NDNF: variants seen among roughly 807,000 people sequenced by gnomAD.
The protein encoded by NDNF is neuron derived neurotrophic factor, also known as protein NDNF.
A neutral mutation model predicts 42.0 loss-of-function variants in NDNF; 16 were observed. The ratio of observed to expected loss-of-function variants is 0.38; its 90% CI spans 0.26 to 0.58. NDNF has a LOEUF of 0.58. NDNF is among the 20% of genes least tolerant of loss of function. The pLI is 0.67. For missense variants in NDNF, 616 were observed against 666.2 expected (o/e 0.92, Z 0.83); for synonymous variants, 248 against 251.7 (o/e 0.99, Z 0.14).
rs1309440977 is a variant in NDNF at position 121,045,777 on chromosome 4, T to C, written c.61A>G (p.Lys21Glu). The change falls in exon 2 of 4, where the codon AAG (lysine) becomes GAG (glutamate). Residue 21 changes from lysine to glutamate, a missense_variant. Transcript: ENST00000379692. ...LLFPLSSRTQKLPTRDEELFQ... is the reference protein window; with the variant it reads ...LLFPLSSRTQELPTRDEELFQ... ...AGTTCCTCATCCCGGGTGGGTAACT[T>C]CTGGGTCCTTGAGCTGAGTGGAAAC... is the stretch of plus-strand genomic sequence containing the variant. The C allele has an allele frequency of 1.9e-6, 3 of 1,614,154 alleles. No individual in the cohort carries two copies. The Admixed American group carries it at 5.0e-5, about 27-fold the overall frequency.
At chr4:121,040,886 C>G (rs534467060) in intron 2 of NDNF, among the ~76,000 whole-genome samples, 49 of 152,242 alleles carry the variant, frequency 3.2e-4, no homozygotes, top group African/African-American at 1.1e-3. Context: ...CTCCAGTGAT[C>G]CTCCTGCCTC....
At chr4:121,054,140 C>T (rs879513692) in intron 1 of NDNF, among the ~76,000 whole-genome samples, 2 of 152,074 alleles carry the variant, frequency 1.3e-5, no homozygotes, top group South Asian at 2.1e-4. Flanking sequence ...ATACCAAAAC[C>T]TAAATATGGC....
chr4:121,037,783 T>C (rs1218634337), intron 3 of NDNF, 126 bp from the exon 4 acceptor site: 3 of 608,316 alleles, frequency 4.9e-6, no homozygotes, highest in Non-Finnish European at 8.2e-6. Flanking sequence ...AGTAAAAATA[T>C]TTATAAATGT....
In NDNF at chr4:121,037,399, G is replaced by A. The variant is rs199541505; in HGVS notation, c.572C>T (p.Thr191Met). 56 of 1,614,136 alleles carry A rather than the reference G, an allele frequency of 3.5e-5. No homozygotes were observed. The East Asian group carries it at 4.9e-4, about 14-fold the overall frequency. ...GCTTGGTTTCCAGGCCAAAGTGACC[G>A]TGGTGCGCCCCAGTGAGGTCACATC... ...RVDVTSLGRT[T>M]VTLAWKPSPT... The change falls in exon 4 of 4, where the codon ACG becomes ATG. Residue 191 changes from threonine to methionine, a missense_variant. Physicochemically the swap from Thr to Met is moderately conservative, Grantham distance 81. Coordinates refer to ENST00000379692, the MANE Select transcript of NDNF (RefSeq NM_024574.4).
intron 1 of NDNF, among the ~76,000 whole-genome samples, chr4:121,048,802 C>T (rs1188302698): frequency 6.6e-6 from 1 of 152,040 alleles, no homozygotes; most frequent in Non-Finnish European, 1.5e-5. Context: ...CACGCCACTG[C>T]ACTCCAGCAT....
chr4:121,046,022 T>C (rs1727086119), intron 1 of NDNF, among the ~76,000 whole-genome samples, 184 bp from the exon 2 acceptor site: 1 of 152,238 alleles, frequency 6.6e-6, no homozygotes. Context: ...AACATTTTCA[T>C]GATGTTAAAA....
At chr4:121,070,079 C>G (rs1040357834) in intron 1 of NDNF, among the ~76,000 whole-genome samples, 3 of 152,016 alleles carry the variant, frequency 2.0e-5, no homozygotes, top group African/African-American at 7.3e-5. Flanking sequence ...TTGATTAATC[C>G]CATATGCAGA....
intron 1 of NDNF, among the ~76,000 whole-genome samples, chr4:121,049,142 T>C (rs1159460212): frequency 1.3e-5 from 2 of 152,230 alleles, no homozygotes; most frequent in Admixed American, 6.5e-5. Context: ...AAATTAATAT[T>C]AGTAAACAAA....
At chr4:121,049,869 A>C (rs1727158989) in intron 1 of NDNF, among the ~76,000 whole-genome samples, 2 of 152,222 alleles carry the variant, frequency 1.3e-5, no homozygotes, top group African/African-American at 4.8e-5. Flanking sequence ...CATACTTTTC[A>C]AAAAAGTTTT....
intron 1 of NDNF, among the ~76,000 whole-genome samples, chr4:121,064,638 C>A (rs1411440596): frequency 6.6e-6 from 1 of 152,102 alleles, no homozygotes; most frequent in African/African-American, 2.4e-5. Flanking sequence ...CAGCTTCTTG[C>A]TCAATTCTTT....
At chr4:121,064,921 CATT>C (rs967200127) in intron 1 of NDNF, among the ~76,000 whole-genome samples, 2 of 151,806 alleles carry the variant, frequency 1.3e-5, no homozygotes, top group African/African-American at 2.4e-5. Flanking sequence ...ATTATAATGT[CATT>C]ATTATTATTA....
chr4:121,070,980 C>G (rs1727584331), intron 1 of NDNF, among the ~76,000 whole-genome samples: 1 of 152,178 alleles, frequency 6.6e-6, no homozygotes, highest in Admixed American at 6.5e-5. Context: ...GGAGCTCTCA[C>G]GCCTGGGCCT....
rs1460472473 is a variant in NDNF, at chr4:121,072,418, C to G, written c.-427G>C. On this transcript the variant is annotated 5_prime_UTR_variant, in exon 1 of 4. Coordinates refer to ENST00000379692, the MANE Select transcript of NDNF (RefSeq NM_024574.4). ...CGCCGGCCGCCGCTAGTCGCACAGG[C>G]GCCTGGCTGGAGCGCCGCGCGGGGT... 1 of 151,070 alleles carries G rather than the reference C, an allele frequency of 6.6e-6. No individual in the cohort carries two copies. Among genetic ancestry groups the G allele is most frequent in the Non-Finnish European group, 1.5e-5 (1 of 67,770 alleles). The allele number at this position is 151,070 out of a possible 1,614,324, so 9.4% of individuals were successfully genotyped here. A position where few individuals can be genotyped will look rare whatever the true frequency, so the allele number is the denominator to read the frequency against.
chr4:121,042,676 C>G (rs1454340824), intron 2 of NDNF, among the ~76,000 whole-genome samples: 1 of 152,074 alleles, frequency 6.6e-6, no homozygotes, highest in African/African-American at 2.4e-5. Context: ...TTGAACCTAT[C>G]TATATTACAA....
At position 121,036,505 on chromosome 4, in the gene NDNF, T is replaced by C. The variant is rs1726869762; in HGVS notation, c.1466A>G (p.Tyr489Cys). 6.2e-7 allele frequency: 1 copy of C among 1,614,202 alleles called. No homozygotes were observed. Among genetic ancestry groups the C allele is most frequent in the South Asian group, 1.1e-5 (1 of 91,090 alleles). ...CTCTCTTTTCTTCTGGTCTTCATTG[T>C]AGTTATCATCCACTTCTTTTTTGTA... The part of the protein sequence containing the change: ...CIYKKEVDDN[Y>C]NEDQKKREQN... Residue 489 changes from tyrosine (Y) to cysteine (C), a missense_variant, in exon 4 of 4, where the codon TAC (tyrosine) becomes TGC (cysteine). Tyr to Cys is a radical substitution (Grantham distance 194). Coordinates refer to ENST00000379692, the MANE Select transcript of NDNF (RefSeq NM_024574.4).
chr4:121,039,767 A>G (rs1726963601), intron 3 of NDNF, among the ~76,000 whole-genome samples, 163 bp downstream of exon 3: 1 of 152,150 alleles, frequency 6.6e-6, no homozygotes, highest in Non-Finnish European at 1.5e-5. Flanking sequence ...GATCAGTGTC[A>G]TCTGATGCCA....
In NDNF at chr4:121,037,638, C is replaced by T. The variant is rs192656943; in HGVS notation, c.333G>A (p.Glu111=). 3.8e-6 allele frequency: 6 copies of T among 1,584,844 alleles called. No homozygotes were observed. In the African/African-American group the frequency reaches 4.0e-5, roughly 11 times the overall value. ...GEGSGDLEPL[E]QQKQQIINEE... ...CATTAATGATCTGCTGCTTCTGCTGCTCAAGAGGTTCCAGATCACCTAGAA... is the reference window on the plus strand; with the variant it reads ...CATTAATGATCTGCTGCTTCTGCTGTTCAAGAGGTTCCAGATCACCTAGAA... Residue 111 remains glutamate (E), a synonymous_variant, in exon 4 of 4, where the codon GAG becomes GAA. Coordinates refer to ENST00000379692, the MANE Select transcript of NDNF (RefSeq NM_024574.4).
Position 121,036,690 on chromosome 4 carries a change from T to A in NDNF, c.1281A>T (p.Gly427=). Residue 427 remains glycine, a synonymous_variant, in exon 4 of 4, where the codon GGA becomes GGT. Transcript: ENST00000379692. The part of the protein sequence containing the change: ...YLVRLKGNKK[G]ASMLKILATT... The stretch of plus-strand genomic sequence containing the variant: ...TAGCTAGAATTTTCAACATAGATGC[T>A]CCTTTCTTGTTTCCTTTCAGTCGAA... 1 of 1,614,172 alleles carries A rather than the reference T, an allele frequency of 6.2e-7. No individual in the cohort carries two copies.
At chr4:121,063,666 G>A (rs1408907578) in intron 1 of NDNF, among the ~76,000 whole-genome samples, 1 of 152,114 alleles carries the variant, frequency 6.6e-6, no homozygotes, top group African/African-American at 2.4e-5. Flanking sequence ...TATGATTAGA[G>A]GAGAATCTAT....
Sources: gnomAD v4.1 joint callset for allele counts (sites outside exome capture counted in the v4.1 genomes callset) on GRCh38, gnomAD v4.1.1 for gene constraint, MANE v1.5 for transcripts, NCBI Gene and HGNC (gene_info 2026-07-23, HGNC 2026-07-21) for gene names.